FOXK2: variants seen among roughly 807,000 people sequenced by gnomAD.
FOXK2 encodes the protein forkhead box K2.
Under a neutral mutation model 53.3 loss-of-function variants are expected in FOXK2, and 24 were observed. The observed-to-expected ratio is 0.45, with a 90% CI of 0.33 to 0.63. The LOEUF is 0.63. Among genes scored for constraint, FOXK2 ranks in the 30% least tolerant of loss-of-function variants. FOXK2 has a pLI of 0.03. For missense variants in FOXK2, 952 were observed against 910.5 expected (o/e 1.05, Z -0.59); for synonymous variants, 505 against 407.1 (o/e 1.24, Z -2.89).
Position 82,520,017 on chromosome 17 carries a change from C to A in FOXK2, c.129C>A (p.Arg43=). 6.8e-7 allele frequency: 1 copy of A among 1,476,808 alleles called. No individual in the cohort carries two copies. The highest frequency in any genetic ancestry group is 9.0e-7 in the Non-Finnish European group (1 of 1,111,120). 91.5% of individuals were successfully genotyped at this position (1,476,808 alleles called of 1,614,324 possible). A position where few individuals can be genotyped will look rare whatever the true frequency, so the allele number is the denominator to read the frequency against. ...GGWAVARLEG[R]EFEYLMKKRS... ...GGGCCGTGGCGCGCCTGGAGGGCCG[C>A]GAGTTCGAGTATCTGATGAAGAAGC... Residue 43 remains arginine (R), a synonymous_variant, in exon 1 of 9, where the codon CGC becomes CGA. Coordinates refer to ENST00000335255, the MANE Select transcript of FOXK2 (RefSeq NM_004514.4).
chr17:82,568,008 C>T (rs761586530), intron 2 of FOXK2, 46 bp from the exon 3 acceptor site: 13 of 1,504,768 alleles, frequency 8.6e-6, no homozygotes, highest in African/African-American at 5.8e-5. Flanking sequence ...CAGTAGGATG[C>T]GTGCACTGTG....
At chr17:82,530,699 G>A (rs1233381436) in intron 1 of FOXK2, among the ~76,000 whole-genome samples, 2 of 151,848 alleles carry the variant, frequency 1.3e-5, no homozygotes, top group Non-Finnish European at 1.5e-5. Context: ...TAGTAGAGAC[G>A]GGGTTTCACC....
rs1436217833 is a variant in FOXK2 at position 82,603,849 on chromosome 17, C to T, written c.*2350C>T. On this transcript the variant is annotated 3_prime_UTR_variant, in exon 9 of 9. Transcript: ENST00000335255. ...CTCTGCCACGTTCACTTGGCTTTTT[C>T]ATTGGTACCTAGGAATTTAAGAATA... The T allele has an allele frequency of 6.6e-6, 1 of 151,862 alleles. No individual in the cohort carries two copies. The highest frequency in any genetic ancestry group is 1.5e-5 in the Non-Finnish European group (1 of 68,004). 9.4% of individuals were successfully genotyped at this position (151,862 alleles called of 1,614,324 possible). A position where few individuals can be genotyped will look rare whatever the true frequency, so the allele number is the denominator to read the frequency against.
chr17:82,547,570 GTAATA>G (rs2044638413), intron 1 of FOXK2, among the ~76,000 whole-genome samples: 1 of 152,050 alleles, frequency 6.6e-6, no homozygotes, highest in African/African-American at 2.4e-5. Flanking sequence ...GTGCAATACT[GTAATA>G]TAATTTATAC....
chr17:82,597,837 A>T (rs868562523), intron 8 of FOXK2, among the ~76,000 whole-genome samples: 4 of 152,028 alleles, frequency 2.6e-5, no homozygotes, highest in Non-Finnish European at 4.4e-5. Context: ...TTTAGTAGAG[A>T]CGGGGTTGCA....
intron 1 of FOXK2, among the ~76,000 whole-genome samples, chr17:82,559,956 A>G (rs2044774877): frequency 6.6e-6 from 1 of 150,622 alleles, no homozygotes; most frequent in Non-Finnish European, 1.5e-5. Context: ...GCCAGCAGTG[A>G]ATGCCACTGA....
In FOXK2 at chr17:82,586,175, G is replaced by C. The variant is rs1241448808; in HGVS notation, c.1551G>C (p.Glu517Asp). The C allele has an allele frequency of 6.2e-7, 1 of 1,611,322 alleles. No homozygotes were observed. The highest frequency in any genetic ancestry group is 8.5e-7 in the Non-Finnish European group (1 of 1,179,116). ...CCCCTCCTAAGGCAGAGGCCCAGGA[G>C]AATGGAGACCACAGGGAAGTCAAAG... is the stretch of plus-strand genomic sequence containing the variant. ...VLAPPKAEAQ[E>D]NGDHREVKVK... Residue 517 changes from glutamate (E) to aspartate (D), a missense_variant, in exon 7 of 9, where the codon GAG becomes GAC. This residue lies in a region of FOXK2 where 551 missense variants were observed against 385.1 expected (regional missense o/e 1.43). Coordinates refer to ENST00000335255, the MANE Select transcript of FOXK2 (RefSeq NM_004514.4).
At chr17:82,540,591 C>T (rs1046236727) in intron 1 of FOXK2, among the ~76,000 whole-genome samples, 7 of 152,118 alleles carry the variant, frequency 4.6e-5, no homozygotes, top group African/African-American at 1.7e-4. Flanking sequence ...AGCACCCACC[C>T]TCAGGCGTAA....
At chr17:82,568,717 CA>C (rs1002111630) in intron 3 of FOXK2, among the ~76,000 whole-genome samples, 1 of 152,176 alleles carries the variant, frequency 6.6e-6, no homozygotes, top group Non-Finnish European at 1.5e-5. Context: ...TTGTATAAAA[CA>C]ATGGAATGCG....
At chr17:82,554,691 CCTAGT>C (rs2044706423) in intron 1 of FOXK2, among the ~76,000 whole-genome samples, 1 of 152,006 alleles carries the variant, frequency 6.6e-6, no homozygotes, top group South Asian at 2.1e-4. Flanking sequence ...TAAACAGATT[CCTAGT>C]CTATACTGAG....
At chr17:82,551,593 C>T (rs112327000) in intron 1 of FOXK2, among the ~76,000 whole-genome samples, 3 of 151,912 alleles carry the variant, frequency 2.0e-5, no homozygotes, top group African/African-American at 7.2e-5. Context: ...AGGCAGGAGA[C>T]TCACTTGAAC....
At chr17:82,583,177 G>GCTCATCGCATGTTGTT (rs1468438260) in intron 5 of FOXK2, among the ~76,000 whole-genome samples, 1 of 152,218 alleles carries the variant, frequency 6.6e-6, no homozygotes, top group African/African-American at 2.4e-5. Flanking sequence ...GCTTCATGGG[G>GCTCATCGCATGTTGTT]CTCATCGCAT....
chr17:82,549,523 A>C (rs1490501390), intron 1 of FOXK2, among the ~76,000 whole-genome samples: 1 of 149,350 alleles, frequency 6.7e-6, no homozygotes, highest in East Asian at 2.0e-4. Flanking sequence ...CCAAAACCCC[A>C]AAATTATTCT....
rs1273385604 is a variant in FOXK2, at chr17:82,559,324, C to T, written c.420-4030C>T. The stretch of plus-strand genomic sequence containing the variant: ...TCTTCCCATCTCTGCTACTGGCTGG[C>T]GACCGTGCGGACTCCACAGCTGCGC... On this transcript the variant is annotated intron_variant, in intron 1 of 8. Coordinates refer to ENST00000335255, the MANE Select transcript of FOXK2 (RefSeq NM_004514.4). 1.8e-5 allele frequency: 8 copies of T among 451,900 alleles called. 1 individual carries two copies. In the East Asian group the frequency reaches 4.9e-4, roughly 28 times the overall value. 28.0% of individuals were successfully genotyped at this position (451,900 alleles called of 1,614,324 possible).
At chr17:82,532,538 TA>T (rs1567965120) in intron 1 of FOXK2, among the ~76,000 whole-genome samples, 1 of 152,212 alleles carries the variant, frequency 6.6e-6, no homozygotes, top group Non-Finnish European at 1.5e-5. Flanking sequence ...TTTTACTTTA[TA>T]AACTAATACT....
chr17:82,575,063 G>A (rs149746021), intron 4 of FOXK2, among the ~76,000 whole-genome samples: 103 of 152,284 alleles, frequency 6.8e-4, no homozygotes, highest in African/African-American at 2.3e-3. Context: ...CAAATCAAAG[G>A]GACACACTGG....
At chr17:82,521,267 A>C (rs1035157736) in intron 1 of FOXK2, among the ~76,000 whole-genome samples, 1 of 151,990 alleles carries the variant, frequency 6.6e-6, no homozygotes, top group African/African-American at 2.4e-5. Flanking sequence ...CCGCCCTTTG[A>C]GTTCAAGTGG....
rs1299746752 is a variant in FOXK2, at chr17:82,520,254, C to A, written c.366C>A (p.Phe122Leu). ...GCTGCTTGGGCAAGAACGGGGTATT[C>A]GTGGACGGCGTGTTCCAGAGGCGCG... ...YLRCLGKNGV[F>L]VDGVFQRRGA... The change falls in exon 1 of 9, where the codon TTC becomes TTA. Residue 122 changes from phenylalanine to leucine, a missense_variant. Transcript: ENST00000335255. 4 of 1,285,684 alleles carry A rather than the reference C, an allele frequency of 3.1e-6. No homozygotes were observed. Among genetic ancestry groups the A allele is most frequent in the Non-Finnish European group, 3.0e-6 (3 of 1,013,392 alleles). 79.6% of individuals were successfully genotyped at this position (1,285,684 alleles called of 1,614,324 possible). A position where few individuals can be genotyped will look rare whatever the true frequency, so the allele number is the denominator to read the frequency against.
chr17:82,583,979 G>A (rs2045099895), intron 5 of FOXK2, 34 bp from the exon 6 acceptor site: 1 of 1,559,208 alleles, frequency 6.4e-7, no homozygotes, highest in Admixed American at 1.9e-5. Flanking sequence ...TGCGTCAGCT[G>A]TAACCATGCA....
Sources: allele counts gnomAD v4.1 joint callset (sites outside exome capture counted in the v4.1 genomes callset), GRCh38; gene constraint gnomAD v4.1.1; regional missense constraint gnomAD v4.1.1; transcripts MANE v1.5; gene names NCBI Gene and HGNC (gene_info 2026-07-23, HGNC 2026-07-21).